The following STPG2 variants were observed in gnomAD, a reference collection of about 807,000 sequenced individuals.
STPG2 encodes the protein sperm tail PG-rich repeat containing 2.
A neutral mutation model predicts 54.2 loss-of-function variants in STPG2; 56 were observed. The observed-to-expected ratio is 1.03, with a 90% CI of 0.83 to 1.29. STPG2 has a LOEUF of 1.29. Ranked by LOEUF, STPG2 falls within the 50% of genes most tolerant of loss-of-function variation. The pLI is 0.00. For synonymous variants in STPG2, 200 were observed against 181.8 expected (o/e 1.10, Z -0.81); for missense variants, 596 against 544.9 (o/e 1.09, Z -0.93).
At chr4:97,744,567 A>T (rs963846284) in intron 9 of STPG2, among the ~76,000 whole-genome samples, 26 of 151,216 alleles carry the variant, frequency 1.7e-4, no homozygotes, top group African/African-American at 4.8e-4. Flanking sequence ...TCTTCAGGGG[A>T]TACTTCCTAA....
intron 10 of STPG2, among the ~76,000 whole-genome samples, chr4:97,567,801 G>A (rs979694752): frequency 6.6e-6 from 1 of 152,094 alleles, no homozygotes; most frequent in Non-Finnish European, 1.5e-5. Context: ...TTGTATATGT[G>A]TATAGCATAT....
intron 4 of STPG2, among the ~76,000 whole-genome samples, chr4:97,460,013 G>A (rs536214285): frequency 2.6e-5 from 4 of 152,278 alleles, no homozygotes; most frequent in Admixed American, 2.0e-4. Flanking sequence ...AAGCTCTACA[G>A]AGTTATAACA....
chr4:98,087,308 G>A (rs1738548834), intron 5 of STPG2, among the ~76,000 whole-genome samples: 1 of 152,074 alleles, frequency 6.6e-6, no homozygotes, highest in African/African-American at 2.4e-5. Flanking sequence ...TCCTGCTTAA[G>A]AATGACTAAA....
chr4:97,505,512 G>C (rs1270948788), intron 4 of STPG2, among the ~76,000 whole-genome samples: 5 of 151,862 alleles, frequency 3.3e-5, no homozygotes, highest in Admixed American at 1.3e-4. Context: ...GGATGACAAA[G>C]GCAGATTTAA....
intron 9 of STPG2, among the ~76,000 whole-genome samples, chr4:97,772,449 T>C (rs1441725304): frequency 6.6e-6 from 1 of 152,186 alleles, no homozygotes; most frequent in African/African-American, 2.4e-5. Flanking sequence ...ATACCCTTTT[T>C]ACCAGAGAGT....
intron 8 of STPG2, among the ~76,000 whole-genome samples, chr4:97,879,009 A>C (rs1190533269): frequency 6.6e-6 from 1 of 152,082 alleles, no homozygotes. Context: ...AAGTTCCATA[A>C]ATCTCTAGGC....
chr4:97,444,454 T>C (rs1373895142), intron 4 of STPG2, among the ~76,000 whole-genome samples: 2 of 152,100 alleles, frequency 1.3e-5, no homozygotes, highest in Non-Finnish European at 2.9e-5. Flanking sequence ...TTAGAAACTA[T>C]AGAGGGCAGA....
At chr4:97,821,407 T>TTCAGTGCCTGCAGCTTTTCCAGG (rs1256988216) in intron 9 of STPG2, among the ~76,000 whole-genome samples, 3 of 152,080 alleles carry the variant, frequency 2.0e-5, no homozygotes, top group African/African-American at 7.2e-5. Flanking sequence ...CAGGTTGGAG[T>TTCAGTGCCTGCAGCTTTTCCAGG]TCAGTGCCTG....
intron 4 of STPG2, among the ~76,000 whole-genome samples, chr4:97,450,398 T>C (rs1187204067): frequency 6.6e-6 from 1 of 151,998 alleles, no homozygotes; most frequent in Non-Finnish European, 1.5e-5. Flanking sequence ...CTATTACCAA[T>C]AATGAGATAA....
chr4:97,599,429 A>C (rs1224464070), intron 10 of STPG2, among the ~76,000 whole-genome samples: 1 of 152,340 alleles, frequency 6.6e-6, no homozygotes, highest in East Asian at 1.9e-4. Context: ...TCATTCTACC[A>C]TAAAGACATA....
At chr4:97,900,628 T>C (rs545587889) in intron 8 of STPG2, among the ~76,000 whole-genome samples, 1 of 152,196 alleles carries the variant, frequency 6.6e-6, no homozygotes, top group East Asian at 1.9e-4. Flanking sequence ...TGCAGAAACA[T>C]GGATAGATCT....
intron 9 of STPG2, among the ~76,000 whole-genome samples, chr4:97,826,321 G>A (rs893514561): frequency 6.6e-6 from 1 of 152,154 alleles, no homozygotes; most frequent in African/African-American, 2.4e-5. Context: ...CATTTAGAGG[G>A]TTAAAGGATT....
intron 10 of STPG2, among the ~76,000 whole-genome samples, chr4:97,669,853 C>A (rs1416180342): frequency 6.6e-6 from 1 of 151,600 alleles, no homozygotes; most frequent in African/African-American, 2.4e-5. Flanking sequence ...AGCATGAAGT[C>A]ATTATAATGC....
At chr4:97,568,442 G>C (rs1732511307) in intron 10 of STPG2, among the ~76,000 whole-genome samples, 1 of 152,046 alleles carries the variant, frequency 6.6e-6, no homozygotes, top group South Asian at 2.1e-4. Flanking sequence ...GCCCTGTAGT[G>C]GGTGATCATG....
intron 10 of STPG2, among the ~76,000 whole-genome samples, chr4:97,645,421 C>G (rs1721884785): frequency 6.6e-6 from 1 of 151,990 alleles, no homozygotes; most frequent in Admixed American, 6.6e-5. Flanking sequence ...AAAATAGTAT[C>G]AAGAAGGCTT....
chr4:97,548,784 T>A (rs1731901089), intron 4 of STPG2, among the ~76,000 whole-genome samples: 1 of 152,198 alleles, frequency 6.6e-6, no homozygotes, highest in Non-Finnish European at 1.5e-5. Flanking sequence ...CAAATTCTGA[T>A]GATACTACTA....
intron 10 of STPG2, among the ~76,000 whole-genome samples, chr4:97,684,041 A>G (rs571558170): frequency 6.6e-6 from 1 of 152,006 alleles, no homozygotes; most frequent in African/African-American, 2.4e-5. Flanking sequence ...TTACCTTTAA[A>G]CTTGACAAAA....
At chr4:97,632,513 T>C (rs1721323819) in intron 10 of STPG2, among the ~76,000 whole-genome samples, 1 of 152,140 alleles carries the variant, frequency 6.6e-6, no homozygotes, top group Admixed American at 6.5e-5. Context: ...CATGTTTCAA[T>C]AAAATACCTT....
chr4:97,966,657 A>T (rs1734109700), intron 7 of STPG2, among the ~76,000 whole-genome samples: 1 of 152,256 alleles, frequency 6.6e-6, no homozygotes, highest in African/African-American at 2.4e-5. Context: ...GAAGCCCATC[A>T]GACTAACAGC....
Sources: allele counts gnomAD v4.1 joint callset (sites outside exome capture counted in the v4.1 genomes callset), GRCh38; gene constraint gnomAD v4.1.1; transcripts MANE v1.5; gene names NCBI Gene and HGNC (gene_info 2026-07-23, HGNC 2026-07-21).